The following PDCD6IP variants were observed in gnomAD, a reference collection of about 807,000 sequenced individuals.
PDCD6IP encodes programmed cell death 6-interacting protein.
Under a neutral mutation model 103.7 loss-of-function variants are expected in PDCD6IP, and 43 were observed. That is an observed-to-expected ratio of 0.41 (90% CI 0.32 to 0.53). The LOEUF (loss-of-function observed/expected upper bound fraction) is 0.53. Ranked by LOEUF, PDCD6IP falls within the 20% of genes least tolerant of loss-of-function variation. PDCD6IP has a pLI of 0.16. For synonymous variants in PDCD6IP, 354 were observed against 378.7 expected, an observed-to-expected ratio of 0.93 and a Z score of 0.76; for missense variants, 871 against 1,036.7, an observed-to-expected ratio of 0.84 and a Z score of 2.20.
chr3:33,841,783 G>T, intron 9 of PDCD6IP, 114 bp from the exon 10 acceptor site: 1 of 739,026 alleles, frequency 1.4e-6, no homozygotes, highest in East Asian at 2.6e-5. Flanking sequence ...TTTTCTGGGT[G>T]CTAACTCCAT....
chr3:33,799,055 G>A, intron 1 of PDCD6IP, 118 bp downstream of exon 1: 1 of 989,336 alleles, frequency 1.0e-6, no homozygotes, highest in Non-Finnish European at 1.4e-6. Flanking sequence ...GTCCCGGCCT[G>A]ACCAGGCGCG....
chr3:33,799,116 C>T (rs970047531), intron 1 of PDCD6IP, 179 bp downstream of exon 1: 9 of 635,926 alleles, frequency 1.4e-5, no homozygotes, highest in African/African-American at 1.3e-4. Context: ...CCTGCAGGCC[C>T]GCTGTGACTG....
At chr3:33,827,243 A>G (rs1339693790) in intron 6 of PDCD6IP, 2 of 957,844 alleles carry the variant, frequency 2.1e-6, no homozygotes, top group South Asian at 4.8e-5. Context: ...GGAATGATTA[A>G]TAAAGAAAAC....
chr3:33,853,956 A>T lies in PDCD6IP; in HGVS notation c.1968A>T (p.Leu656Phe). ...TAAGAGAAGAAGTTTTGAAGAATTT[A>T]GCTACTGCATATGACAACTTTGTTG... ...ANLREEVLKN[L>F]ATAYDNFVEL... The change falls in exon 14 of 18, where the codon TTA (leucine) becomes TTT (phenylalanine). Residue 656 changes from leucine (L) to phenylalanine (F), a missense_variant. Transcript: ENST00000307296. 3 of 1,590,732 alleles carry T rather than the reference A, an allele frequency of 1.9e-6. No homozygotes were observed. The highest frequency in any genetic ancestry group is 1.7e-6 in the Non-Finnish European group (2 of 1,172,720).
At chr3:33,838,093 C>T in intron 8 of PDCD6IP, 111 bp from the exon 9 acceptor site, 1 of 938,604 alleles carries the variant, frequency 1.1e-6, no homozygotes. Context: ...TGTCAATAGA[C>T]AATAAATATT....
At chr3:33,840,712 T>C (rs1254251572) in intron 9 of PDCD6IP, among the ~76,000 whole-genome samples, 1 of 152,210 alleles carries the variant, frequency 6.6e-6, no homozygotes, top group Non-Finnish European at 1.5e-5. Context: ...GAATTGTTAT[T>C]GTGCTACAAA....
intron 3 of PDCD6IP, among the ~76,000 whole-genome samples, chr3:33,821,328 C>T (rs1696987766): frequency 6.6e-6 from 1 of 151,988 alleles, no homozygotes; most frequent in Non-Finnish European, 1.5e-5. Flanking sequence ...GCGTTCCTGC[C>T]AACAGTACAG....
Position 33,798,630 on chromosome 3 carries a change from A to AGTCAGTCC in PDCD6IP, c.-97_-90dup, listed in dbSNP as rs1696385787. The AGTCAGTCC allele has an allele frequency of 8.5e-6, 10 of 1,177,862 alleles. No individual in the cohort carries two copies. The highest frequency in any genetic ancestry group is 2.7e-5 in the East Asian group (1 of 37,248). The allele number at this position is 1,177,862 out of a possible 1,614,324, so 73.0% of individuals were successfully genotyped here. On this transcript the variant is annotated 5_prime_UTR_variant, in exon 1 of 18. Coordinates refer to ENST00000307296, the MANE Select transcript of PDCD6IP (RefSeq NM_013374.6). Reference sequence around the variant, plus strand: ...CAGGCGGAGCGCAAGTCTGTCAGCCAGTCAGTCCGCCAGTCCGCCAGCCCA... The same window carrying AGTCAGTCC: ...CAGGCGGAGCGCAAGTCTGTCAGCCAGTCAGTCCGTCAGTCCGCCAGTCCGCCAGCCCA...
chr3:33,819,626 C>T (rs371428546), intron 3 of PDCD6IP, among the ~76,000 whole-genome samples: 1 of 152,168 alleles, frequency 6.6e-6, no homozygotes, highest in African/African-American at 2.4e-5. Context: ...AGTACTGTAA[C>T]AAGGAGGGCT....
intron 15 of PDCD6IP, among the ~76,000 whole-genome samples, chr3:33,858,682 C>T (rs1332592121): frequency 2.0e-5 from 3 of 151,944 alleles, no homozygotes; most frequent in Non-Finnish European, 2.9e-5. Context: ...TGGTGGCGGG[C>T]GCCTGTAATC....
At chr3:33,818,868 T>G (rs927162444) in intron 3 of PDCD6IP, among the ~76,000 whole-genome samples, 5 of 152,190 alleles carry the variant, frequency 3.3e-5, no homozygotes, top group Non-Finnish European at 7.3e-5. Context: ...CTGATTTTTG[T>G]TATTTTATAA....
At chr3:33,816,126 G>A (rs1174058644) in intron 3 of PDCD6IP, among the ~76,000 whole-genome samples, 1 of 152,150 alleles carries the variant, frequency 6.6e-6, no homozygotes, top group African/African-American at 2.4e-5. Flanking sequence ...AAATGTTAAA[G>A]GTTTATCTTT....
At chr3:33,854,335 G>A (rs980847857) in intron 14 of PDCD6IP, among the ~76,000 whole-genome samples, 9 of 152,064 alleles carry the variant, frequency 5.9e-5, no homozygotes, top group Non-Finnish European at 1.3e-4. Context: ...GAATTTTGAG[G>A]GGCAGGAGTA....
At chr3:33,814,438 A>G (rs1696787838) in intron 3 of PDCD6IP, among the ~76,000 whole-genome samples, 1 of 151,898 alleles carries the variant, frequency 6.6e-6, no homozygotes, top group African/African-American at 2.4e-5. Context: ...CTATTCCATT[A>G]GATTCTTATG....
chr3:33,851,035 A>C (rs1253726797), intron 12 of PDCD6IP, among the ~76,000 whole-genome samples: 1 of 152,146 alleles, frequency 6.6e-6, no homozygotes, highest in East Asian at 1.9e-4. Context: ...TACATTTAGC[A>C]GAAACCTCGA....
At chr3:33,813,503 A>C in intron 2 of PDCD6IP, 56 bp from the exon 3 acceptor site, 1 of 1,068,054 alleles carries the variant, frequency 9.4e-7, no homozygotes. Context: ...AAGACTTAAT[A>C]TTTAATGAGA....
At chr3:33,845,362 G>C in intron 11 of PDCD6IP, 57 bp from the exon 12 acceptor site, 1 of 1,344,276 alleles carries the variant, frequency 7.4e-7, no homozygotes, top group Non-Finnish European at 1.0e-6. Flanking sequence ...ATAACCAGCC[G>C]ATAAACGTTG....
chr3:33,827,134 A>C (rs576819363), intron 6 of PDCD6IP: 1 of 985,368 alleles, frequency 1.0e-6, no homozygotes, highest in South Asian at 4.7e-5. Context: ...ATATCACAGG[A>C]AGTATAATGT....
At chr3:33,857,652 A>T (rs1286050643) in intron 15 of PDCD6IP, among the ~76,000 whole-genome samples, 1 of 152,222 alleles carries the variant, frequency 6.6e-6, no homozygotes, top group Non-Finnish European at 1.5e-5. Flanking sequence ...TTCCAGTTTC[A>T]GTATTCAGTA....
Sources: allele counts gnomAD v4.1 joint callset (sites outside exome capture counted in the v4.1 genomes callset), GRCh38; gene constraint gnomAD v4.1.1; transcripts MANE v1.5; gene names NCBI Gene and HGNC (gene_info 2026-07-23, HGNC 2026-07-21).